The following LYST variants were observed in gnomAD, a reference collection of about 807,000 sequenced individuals.
LYST encodes lysosomal trafficking regulator, also known as lysosomal-trafficking regulator.
Under a neutral mutation model 413.6 loss-of-function variants are expected in LYST, and 192 were observed. That is an observed-to-expected ratio of 0.46 (90% CI 0.41 to 0.52). The LOEUF (loss-of-function observed/expected upper bound fraction) is 0.52. LYST is among the 20% of genes least tolerant of loss of function. LYST has a pLI of 0.00. For missense variants in LYST, 3,815 were observed against 4,499.9 expected (o/e 0.85, Z 4.35); for synonymous variants, 1,525 against 1,567.3 (o/e 0.97, Z 0.64).
chr1:235,797,702 A>C (rs1392261498), intron 10 of LYST, among the ~76,000 whole-genome samples: 1 of 152,192 alleles, frequency 6.6e-6, no homozygotes, highest in Non-Finnish European at 1.5e-5. Context: ...AACATTCCAT[A>C]ATATTGGATT....
At chr1:235,829,723 T>G (rs1048912151) in intron 3 of LYST, 1 of 152,502 alleles carries the variant, frequency 6.6e-6, no homozygotes, top group Non-Finnish European at 1.5e-5. Context: ...CAAAACCATA[T>G]GGTCATACCA....
At position 235,744,158 on chromosome 1, in the gene LYST, C is replaced by A; in HGVS notation, c.7973-1G>T. On this transcript the variant is annotated splice_acceptor_variant, in intron 29 of 52. Coordinates refer to ENST00000389793, the MANE Select transcript of LYST (RefSeq NM_000081.4). LOFTEE classifies it high-confidence loss of function. Reference sequence around the variant, plus strand: ...ATGTCAATAATGTCTGAATTAAATTCTTTGAATTGAAAAAAAGAATACAAA... The same window carrying A: ...ATGTCAATAATGTCTGAATTAAATTATTTGAATTGAAAAAAAGAATACAAA... The A allele has an allele frequency of 6.6e-7, 1 of 1,520,404 alleles. No homozygotes were observed. The highest frequency in any genetic ancestry group is 1.4e-5 in the African/African-American group (1 of 73,100). The allele number at this position is 1,520,404 out of a possible 1,614,324, so 94.2% of individuals were successfully genotyped here.
At chr1:235,781,866 GA>G (rs1177615991) in intron 15 of LYST, 60 bp downstream of exon 15, 2 of 1,171,958 alleles carry the variant, frequency 1.7e-6, no homozygotes, top group East Asian at 2.4e-5. Flanking sequence ...TGTTTCAAAG[GA>G]AAAAAATCTC....
intron 1 of LYST, among the ~76,000 whole-genome samples, chr1:235,844,202 C>G (rs1029629440): frequency 3.3e-5 from 5 of 152,074 alleles, no homozygotes; most frequent in African/African-American, 4.8e-5. Flanking sequence ...GATTGATTAG[C>G]AACTTTCTCA....
rs1015373910 is a variant in LYST at position 235,733,825 on chromosome 1, C to A, written c.8612+5G>T. 3.8e-6 allele frequency: 6 copies of A among 1,583,242 alleles called. No individual in the cohort carries two copies. The African/African-American group carries it at 8.1e-5, about 21-fold the overall frequency. ...TACATGCCTTTGGAACATATAAAAT[C>A]TTACCTTTGTTGATTATTGTTAACT... On this transcript the variant is annotated splice_donor_5th_base_variant and intron_variant, in intron 33 of 52. Transcript: ENST00000389793.
At chr1:235,845,460 A>T (rs1677715140) in intron 1 of LYST, among the ~76,000 whole-genome samples, 1 of 152,160 alleles carries the variant, frequency 6.6e-6, no homozygotes, top group Admixed American at 6.5e-5. Context: ...ACTTTCTAAC[A>T]ATTTGAACGC....
chr1:235,677,316 T>C (rs1048325982), intron 49 of LYST, 128 bp from the exon 50 acceptor site: 10 of 1,060,876 alleles, frequency 9.4e-6, no homozygotes, highest in South Asian at 1.3e-5. Context: ...TATCTGATTG[T>C]ATGACTTCAA....
intron 10 of LYST, among the ~76,000 whole-genome samples, chr1:235,799,220 T>C (rs543335560): frequency 6.6e-6 from 1 of 152,328 alleles, no homozygotes; most frequent in African/African-American, 2.4e-5. Flanking sequence ...AATCACTATT[T>C]GGCAGATACC....
Position 235,763,916 on chromosome 1 carries a change from T to C in LYST, c.6122-1065A>G, listed in dbSNP as rs11804777. Among the ~76,000 whole-genome samples the C allele has an allele frequency of 7.5e-3, 1,148 of 152,262 alleles. 17 individuals carry two copies. The highest frequency in any genetic ancestry group is 0.026 in the African/African-American group (1,091 of 41,552). ...AATCCTCACAGCTACCAGAATTCGC[T>C]CTCTCTCGAATGTCAACTCCTGCTT... On this transcript the variant is annotated intron_variant, in intron 21 of 52. Transcript: ENST00000389793.
intron 10 of LYST, among the ~76,000 whole-genome samples, chr1:235,796,239 C>T (rs1430430810): frequency 6.6e-6 from 1 of 151,822 alleles, no homozygotes; most frequent in East Asian, 1.9e-4. Flanking sequence ...ACACTAAAAG[C>T]AAAGCAATGA....
intron 1 of LYST, among the ~76,000 whole-genome samples, chr1:235,857,778 C>CATATAT (rs1191462114): frequency 2.1e-5 from 3 of 140,620 alleles, no homozygotes; most frequent in African/African-American, 8.5e-5. Context: ...CACACACACA[C>CATATAT]ACACACATAT....
At chr1:235,783,476 G>A (rs1670079371) in intron 14 of LYST, among the ~76,000 whole-genome samples, 1 of 152,088 alleles carries the variant, frequency 6.6e-6, no homozygotes. Context: ...ACCGGGGCCT[G>A]TCGGCGGGTG....
At chr1:235,725,351 C>T (rs546450488) in intron 38 of LYST, among the ~76,000 whole-genome samples, 32 of 152,056 alleles carry the variant, frequency 2.1e-4, no homozygotes, top group Middle Eastern at 3.4e-3. Context: ...GGAGAATCAC[C>T]TGAACCCAGG....
intron 47 of LYST, among the ~76,000 whole-genome samples, chr1:235,687,581 T>G (rs1660318458): frequency 6.6e-6 from 1 of 152,158 alleles, no homozygotes; most frequent in African/African-American, 2.4e-5. Flanking sequence ...AATCCCTCAG[T>G]CCTAACCATG....
intron 2 of LYST, among the ~76,000 whole-genome samples, chr1:235,832,613 T>C (rs1676115174): frequency 6.6e-6 from 1 of 152,186 alleles, no homozygotes; most frequent in Non-Finnish European, 1.5e-5. Context: ...TTAATAGCTG[T>C]ATGGCATACT....
intron 34 of LYST, among the ~76,000 whole-genome samples, chr1:235,732,292 T>C (rs754625439): frequency 3.9e-5 from 6 of 152,180 alleles, no homozygotes; most frequent in South Asian, 2.1e-4. Context: ...TGAAAACTTT[T>C]ATGTTTACTT....
In LYST at chr1:235,677,123, G is replaced by T. The variant is rs1427089456; in HGVS notation, c.11006C>A (p.Thr3669Asn). 6.8e-6 allele frequency: 11 copies of T among 1,613,816 alleles called. No homozygotes were observed. Among genetic ancestry groups the T allele is most frequent in the African/African-American group, 1.3e-5 (1 of 74,882 alleles). ...ACACACAGTAGCAATATCACCTGAGGTTTCACTGGCAGAGACAGCTGTGAC... is the reference window on the plus strand; with the variant it reads ...ACACACAGTAGCAATATCACCTGAGTTTTCACTGGCAGAGACAGCTGTGAC... ...SPVTAVSASE[T>N]SGDIATVCDS... The change falls in exon 50 of 53, where the codon ACC becomes AAC. Residue 3669 changes from threonine (T) to asparagine (N), a missense_variant. Physicochemically the swap from Thr to Asn is moderately conservative, Grantham distance 65. Coordinates refer to ENST00000389793, the MANE Select transcript of LYST (RefSeq NM_000081.4).
chr1:235,876,889 C>T (rs954513385), intron 1 of LYST, among the ~76,000 whole-genome samples: 7 of 152,132 alleles, frequency 4.6e-5, no homozygotes, highest in African/African-American at 1.7e-4. Context: ...GGTGGGGCAG[C>T]CCCAGGCATT....
At chr1:235,728,433 A>C (rs568314203) in intron 37 of LYST, among the ~76,000 whole-genome samples, 1 of 152,348 alleles carries the variant, frequency 6.6e-6, no homozygotes, top group East Asian at 1.9e-4. Flanking sequence ...TGCTAAATAA[A>C]TGTTGGCTAT....
Sources: allele counts gnomAD v4.1 joint callset (sites outside exome capture counted in the v4.1 genomes callset), GRCh38; gene constraint gnomAD v4.1.1; transcripts MANE v1.5; gene names NCBI Gene and HGNC (gene_info 2026-07-23, HGNC 2026-07-21).